The following WDR93 variants were observed in gnomAD, a reference collection of about 807,000 sequenced individuals.
The protein encoded by WDR93 is WD repeat-containing protein 93.
WDR93 carries 73 observed loss-of-function variants against 82.9 expected under a neutral mutation model. The ratio of observed to expected loss-of-function variants is 0.88; its 90% CI spans 0.73 to 1.07. The LOEUF (loss-of-function observed/expected upper bound fraction) is 1.07, where lower values mean the gene tolerates loss of function less well. Among genes scored for constraint, WDR93 ranks in the 50% least tolerant of loss-of-function variants. The probability of loss-of-function intolerance (pLI) is 0.00; values close to 1 mark genes in which losing one functional copy is unlikely to be tolerated. For synonymous variants in WDR93, 283 were observed against 300.1 expected, an observed-to-expected ratio of 0.94 and a Z score of 0.59; for missense variants, 738 against 826.0, an observed-to-expected ratio of 0.89 and a Z score of 1.31.
At chr15:89,741,937 G>C (rs927035493) in intron 16 of WDR93, among the ~76,000 whole-genome samples, 3 of 152,140 alleles carry the variant, frequency 2.0e-5, no homozygotes, top group Admixed American at 6.5e-5. Flanking sequence ...TTTTTTAGTA[G>C]AGACGGGGTT....
At chr15:89,718,295 G>A (rs763270844) in intron 7 of WDR93, among the ~76,000 whole-genome samples, 1 of 152,188 alleles carries the variant, frequency 6.6e-6, no homozygotes, top group Non-Finnish European at 1.5e-5. Context: ...CCAACATGGT[G>A]AAACCCCATC....
At chr15:89,694,540 ACTT>A (rs1294811438) in intron 1 of WDR93, among the ~76,000 whole-genome samples, 10 of 152,056 alleles carry the variant, frequency 6.6e-5, no homozygotes, top group Non-Finnish European at 1.5e-4. Context: ...CGGCCGGGTT[ACTT>A]CTTTTATTAC....
At chr15:89,733,281 A>G (rs577563193) in intron 13 of WDR93, 62 bp downstream of exon 13, 21 of 1,513,148 alleles carry the variant, frequency 1.4e-5, no homozygotes, top group Non-Finnish European at 1.6e-5. Context: ...TTGCTATTTG[A>G]TAGTAAAATC....
At position 89,712,102 on chromosome 15, in the gene WDR93, A is replaced by T. The variant is rs777129811; in HGVS notation, c.638A>T (p.Gln213Leu). ...QGGDFAAFLL[Q>L]GAGDIWLDVY... ...GGGGACTTTGCAGCCTTCCTCCTAC[A>T]AGGCAAGATTAACCAAAGACTGTTA... The change falls in exon 5 of 17, where the codon CAA becomes CTA. Residue 213 changes from glutamine (Q) to leucine (L), a missense_variant and splice_region_variant. By Grantham distance (113) the Gln-to-Leu change is moderately radical. Coordinates refer to ENST00000268130, the MANE Select transcript of WDR93 (RefSeq NM_020212.2). 7 of 1,611,664 alleles carry T rather than the reference A, an allele frequency of 4.3e-6. No individual in the cohort carries two copies. Among genetic ancestry groups the T allele is most frequent in the South Asian group, 1.1e-5 (1 of 90,624 alleles).
chr15:89,729,174 T>TC (rs1966841046), intron 10 of WDR93, 81 bp downstream of exon 10: 3 of 1,337,196 alleles, frequency 2.2e-6, no homozygotes, highest in Non-Finnish European at 2.2e-6. Context: ...ACAGAGATGT[T>TC]CCCCAACAAA....
chr15:89,735,721 C>T (rs1194383507), intron 14 of WDR93, among the ~76,000 whole-genome samples, 168 bp downstream of exon 14: 1 of 152,222 alleles, frequency 6.6e-6, no homozygotes, highest in Non-Finnish European at 1.5e-5. Flanking sequence ...CTTCATGGAG[C>T]ACACAGCTCA....
At chr15:89,700,339 A>T (rs541936882) in intron 1 of WDR93, among the ~76,000 whole-genome samples, 1 of 151,992 alleles carries the variant, frequency 6.6e-6, no homozygotes, top group Non-Finnish European at 1.5e-5. Context: ...CCTCATACTC[A>T]CACATTGAAA....
intron 6 of WDR93, 128 bp downstream of exon 6, chr15:89,715,223 C>T (rs1370239915): frequency 1.2e-5 from 8 of 688,138 alleles, no homozygotes; most frequent in South Asian, 4.4e-5. Context: ...GGAATATTGG[C>T]CCCTGTCTCC....
At chr15:89,711,934 C>T (rs989115096) in intron 4 of WDR93, 92 bp from the exon 5 acceptor site, 1 of 878,772 alleles carries the variant, frequency 1.1e-6, no homozygotes. Context: ...TTAAAAGGAT[C>T]TCTGTTCCTG....
intron 6 of WDR93, among the ~76,000 whole-genome samples, chr15:89,715,548 G>A (rs1966208869): frequency 6.6e-6 from 1 of 152,004 alleles, no homozygotes; most frequent in South Asian, 2.1e-4. Context: ...TACCATTTCA[G>A]TTTATTTATA....
In WDR93 at chr15:89,701,803, A is replaced by G; in HGVS notation, c.57A>G (p.Arg19=). ...AAATAAAGCACCCCATTGGTACACG[A>G]AAGGGACCATTGGAGGTGCCACCCC... ...TQKIKHPIGT[R]KGPLEVPPPT... The change falls in exon 2 of 17, where the codon CGA becomes CGG. Residue 19 remains arginine, a synonymous_variant. Coordinates refer to ENST00000268130, the MANE Select transcript of WDR93 (RefSeq NM_020212.2). The G allele has an allele frequency of 6.2e-7, 1 of 1,614,132 alleles. No homozygotes were observed. Among genetic ancestry groups the G allele is most frequent in the Middle Eastern group, 1.6e-4 (1 of 6,062 alleles).
At chr15:89,736,703 T>G (rs1596125681) in intron 14 of WDR93, among the ~76,000 whole-genome samples, 2 of 146,900 alleles carry the variant, frequency 1.4e-5, no homozygotes, top group South Asian at 2.2e-4. Context: ...ACGCAGGAGG[T>G]GGGGGAGTGG....
intron 1 of WDR93, among the ~76,000 whole-genome samples, chr15:89,694,014 T>C (rs1209758000): frequency 6.6e-6 from 1 of 152,238 alleles, no homozygotes; most frequent in Non-Finnish European, 1.5e-5. Flanking sequence ...GGTTTCCCAA[T>C]AGTGTGTATG....
intron 16 of WDR93, among the ~76,000 whole-genome samples, chr15:89,740,848 G>T (rs1967613081): frequency 6.6e-6 from 1 of 151,666 alleles, no homozygotes; most frequent in Admixed American, 6.6e-5. Flanking sequence ...TTTTTAAAAA[G>T]TGTTAAATTG....
chr15:89,727,372 T>G (rs774591098), intron 9 of WDR93, 44 bp downstream of exon 9: 1 of 1,598,252 alleles, frequency 6.3e-7, no homozygotes, highest in African/African-American at 1.3e-5. Context: ...ATCCCCAGGC[T>G]TCTGCTGTCT....
intron 1 of WDR93, among the ~76,000 whole-genome samples, chr15:89,701,069 A>G (rs1340184760): frequency 2.0e-5 from 3 of 152,142 alleles, no homozygotes; most frequent in Admixed American, 2.0e-4. Context: ...CAGGAGCAAT[A>G]AGTATTTCAT....
chr15:89,721,655 C>T (rs1381401974), intron 7 of WDR93, among the ~76,000 whole-genome samples: 1 of 152,134 alleles, frequency 6.6e-6, no homozygotes, highest in African/African-American at 2.4e-5. Flanking sequence ...GCTATGTTGC[C>T]CAGGCTGGAA....
chr15:89,743,552 TG>T lies in WDR93; in HGVS notation c.*166del, dbSNP rs1327156868. 2 of 643,486 alleles carry T rather than the reference TG, an allele frequency of 3.1e-6. No homozygotes were observed. The highest frequency in any genetic ancestry group is 5.3e-6 in the Non-Finnish European group (2 of 374,620). The allele number at this position is 643,486 out of a possible 1,614,324, so 39.9% of individuals were successfully genotyped here. On this transcript the variant is annotated 3_prime_UTR_variant, in exon 17 of 17. Transcript: ENST00000268130. ...AGCCAGCAAGGGGAAAAGTATAATC[TG>T]GGGGACCTTCAACCACTAAGCCTCT...
chr15:89,712,615 T>C (rs2141629911), intron 5 of WDR93, among the ~76,000 whole-genome samples: 1 of 152,140 alleles, frequency 6.6e-6, no homozygotes, highest in Non-Finnish European at 1.5e-5. Context: ...GTTAAGGATT[T>C]GGGGGAAGAT....
Sources: allele counts gnomAD v4.1 joint callset (sites outside exome capture counted in the v4.1 genomes callset), GRCh38; gene constraint gnomAD v4.1.1; transcripts MANE v1.5; gene names NCBI Gene and HGNC (gene_info 2026-07-23, HGNC 2026-07-21).